Variants in PLEKHA6 observed in about 807,000 individuals in gnomAD.
The protein encoded by PLEKHA6 is pleckstrin homology domain containing A6, also known as pleckstrin homology domain-containing family A member 6.
PLEKHA6 carries 60 observed loss-of-function variants against 116.7 expected under a neutral mutation model. That is an observed-to-expected ratio of 0.51 (90% confidence interval 0.42 to 0.64). The LOEUF (loss-of-function observed/expected upper bound fraction) is 0.64. Ranked by LOEUF, PLEKHA6 falls within the 30% of genes least tolerant of loss-of-function variation. PLEKHA6 has a pLI of 0.00. For synonymous variants in PLEKHA6, 489 were observed against 556.1 expected (o/e 0.88, Z 1.70); for missense variants, 1,338 against 1,422.7 (o/e 0.94, Z 0.96).
upstream of PLEKHA6, among the ~76,000 whole-genome samples, chr1:204,362,221 T>C (rs900310270): frequency 6.6e-6 from 1 of 152,152 alleles, no homozygotes; most frequent in East Asian, 1.9e-4. Flanking sequence ...ATAAATTCCC[T>C]TTGCCAAATC....
chr1:204,339,786 C>A (rs1241784795), intron 1 of PLEKHA6, among the ~76,000 whole-genome samples: 3 of 152,066 alleles, frequency 2.0e-5, no homozygotes, highest in Admixed American at 6.5e-5. Context: ...TTTAAAATGA[C>A]AAATTTATAG....
At chr1:204,235,381 G>C (rs1420364470) in intron 17 of PLEKHA6, among the ~76,000 whole-genome samples, 1 of 152,150 alleles carries the variant, frequency 6.6e-6, no homozygotes, top group East Asian at 1.9e-4. Flanking sequence ...AATGAAGCTG[G>C]TTGGTTGCTC....
intron 9 of PLEKHA6, chr1:204,251,751 A>G: frequency 1.7e-6 from 1 of 585,174 alleles, no homozygotes; most frequent in Middle Eastern, 2.6e-4. Flanking sequence ...CTCCTTGCTC[A>G]CCCCTAGTGA....
Position 204,247,456 on chromosome 1 carries a change from A to C in PLEKHA6, c.1829T>G (p.Leu610Arg). 1.2e-6 allele frequency: 2 copies of C among 1,609,414 alleles called. No homozygotes were observed. The highest frequency in any genetic ancestry group is 1.7e-6 in the Non-Finnish European group (2 of 1,176,164). ...CTCATACTCTATGGTGCTGTTTGTC[A>C]GGGCCTACGGGGGAAAGAGGCGTTC... ...RVELSQATTA[L>R]TNSTIEYEHL... The change falls in exon 13 of 23, where the codon CTG becomes CGG. Residue 610 changes from leucine (L) to arginine (R), a missense_variant. By Grantham distance (102) the Leu-to-Arg change is moderately radical. Transcript: ENST00000272203.
rs751604293 is a variant in PLEKHA6 at position 204,259,226 on chromosome 1, T to A, written c.1007+32A>T. On this transcript the variant is annotated intron_variant, in intron 8 of 22. Transcript: ENST00000272203. The surrounding 1 kb of genome is among the most constrained non-coding windows in gnomAD (Gnocchi z 4.6). ...CGCACGCTCTAGCCATAATACCATA[T>A]CAGCCCCACCCCAGCCGCCGGCATG... 1 of 1,604,158 alleles carries A rather than the reference T, an allele frequency of 6.2e-7. No individual in the cohort carries two copies. Among genetic ancestry groups the A allele is most frequent in the South Asian group, 1.1e-5 (1 of 89,716 alleles).
rs114343543 is a variant in PLEKHA6 at position 204,321,328 on chromosome 1, G to C, written c.-95+38366C>G. Among the ~76,000 whole-genome samples, 1,204 of 152,104 alleles carry C rather than the reference G, an allele frequency of 7.9e-3. 22 individuals are homozygous for C. Among genetic ancestry groups the C allele is most frequent in the African/African-American group, 0.027 (1,131 of 41,456 alleles). On this transcript the variant is annotated intron_variant, in intron 1 of 22. Transcript: ENST00000272203. ...GATGGGAGCAAGGAGAGGAAAGGACGCAAATTGATTGTGCCCCATGTCTGC... is the reference window on the plus strand; with the variant it reads ...GATGGGAGCAAGGAGAGGAAAGGACCCAAATTGATTGTGCCCCATGTCTGC...
At chr1:204,342,280 G>C (rs542221155) in intron 1 of PLEKHA6, among the ~76,000 whole-genome samples, 1 of 152,348 alleles carries the variant, frequency 6.6e-6, no homozygotes, top group East Asian at 1.9e-4. Context: ...GCTGAGGCGG[G>C]AGAATTGTTC....
intron 8 of PLEKHA6, among the ~76,000 whole-genome samples, chr1:204,258,174 A>G (rs547891155): frequency 1.3e-5 from 2 of 152,298 alleles, no homozygotes; most frequent in South Asian, 2.1e-4. Flanking sequence ...AGTTTATCAG[A>G]TCTTTTCTGA....
chr1:204,299,406 T>G (rs181490812), intron 1 of PLEKHA6, among the ~76,000 whole-genome samples: 221 of 152,252 alleles, frequency 1.5e-3, no homozygotes, highest in African/African-American at 4.9e-3. Context: ...TACTGCCCAG[T>G]GCAGAAGAGC....
chr1:204,227,712 T>G (rs1180717816), intron 21 of PLEKHA6, among the ~76,000 whole-genome samples: 1 of 152,220 alleles, frequency 6.6e-6, no homozygotes, highest in African/African-American at 2.4e-5. Flanking sequence ...GCCCTCTCCC[T>G]GCAACTGAGA....
At chr1:204,293,112 G>A (rs1355235088) in intron 1 of PLEKHA6, among the ~76,000 whole-genome samples, 2 of 151,882 alleles carry the variant, frequency 1.3e-5, no homozygotes, top group East Asian at 1.9e-4. Flanking sequence ...AAGTTTAAGG[G>A]GCATCCAAAA....
chr1:204,318,005 C>T (rs1197128892), intron 1 of PLEKHA6, among the ~76,000 whole-genome samples: 3 of 152,168 alleles, frequency 2.0e-5, no homozygotes, highest in Non-Finnish European at 2.9e-5. Context: ...TTATTTCATA[C>T]ACTTATACAC....
chr1:204,289,701 A>G (rs760072123), intron 1 of PLEKHA6, among the ~76,000 whole-genome samples: 46 of 152,240 alleles, frequency 3.0e-4, no homozygotes, highest in Admixed American at 4.6e-4. Context: ...CAGCTACTGT[A>G]GAGCTGCTAC....
intron 1 of PLEKHA6, among the ~76,000 whole-genome samples, chr1:204,291,352 GA>G (rs1399362384): frequency 6.6e-6 from 1 of 152,138 alleles, no homozygotes; most frequent in Non-Finnish European, 1.5e-5. Flanking sequence ...TCCTGCTTTA[GA>G]AAACAGTTTC....
chr1:204,253,477 G>A (rs896929052), intron 9 of PLEKHA6, among the ~76,000 whole-genome samples: 1 of 152,110 alleles, frequency 6.6e-6, no homozygotes, highest in Non-Finnish European at 1.5e-5. Context: ...AGCCGAGATC[G>A]CGCCACTGCA....
chr1:204,356,584 T>TAATAATAATAA (rs201831151), intron 1 of PLEKHA6, among the ~76,000 whole-genome samples: 2,388 of 127,576 alleles, frequency 0.019, 70 homozygotes, highest in African/African-American at 0.071. Flanking sequence ...AATAATAATA[T>TAATAATAATAA]TAATAATAAT....
At chr1:204,360,206 C>A (rs1471304640), upstream of PLEKHA6, among the ~76,000 whole-genome samples, 2 of 151,952 alleles carry the variant, frequency 1.3e-5, no homozygotes, top group Non-Finnish European at 2.9e-5. Context: ...TTTTTAGAGT[C>A]CCCCACAAGA....
intron 1 of PLEKHA6, chr1:204,281,077 A>G (rs750381918): frequency 3.9e-5 from 29 of 752,492 alleles, no homozygotes; most frequent in Non-Finnish European, 4.7e-5. Context: ...AGTCCCAGCT[A>G]CTCAGAGGCA....
At chr1:204,246,232 T>C (rs931065383) in intron 13 of PLEKHA6, among the ~76,000 whole-genome samples, 7 of 152,186 alleles carry the variant, frequency 4.6e-5, no homozygotes, top group Admixed American at 3.9e-4. Context: ...CCAGGCACTA[T>C]GCTAAGCAAT....
Sources: allele counts gnomAD v4.1 joint callset (sites outside exome capture counted in the v4.1 genomes callset), GRCh38; gene constraint gnomAD v4.1.1; non-coding constraint Gnocchi (gnomAD v3.1); transcripts MANE v1.5; gene names NCBI Gene and HGNC (gene_info 2026-07-23, HGNC 2026-07-21).